Variants in ELMO1 observed in about 807,000 individuals in gnomAD.
The protein encoded by ELMO1 is engulfment and cell motility 1.
A neutral mutation model predicts 98.9 loss-of-function variants in ELMO1; 26 were observed. That is an observed-to-expected ratio of 0.26 (90% CI 0.19 to 0.36). ELMO1 has a LOEUF of 0.36. Ranked by LOEUF, ELMO1 falls within the 10% of genes least tolerant of loss-of-function variation. The probability of loss-of-function intolerance (pLI) is 1.00; values close to 1 mark genes in which losing one functional copy is unlikely to be tolerated. For synonymous variants in ELMO1, 346 were observed against 346.0 expected (o/e 1.00, Z 0.00); for missense variants, 627 against 935.2 (o/e 0.67, Z 4.30).
intron 16 of ELMO1, among the ~76,000 whole-genome samples, chr7:37,010,005 TG>T (rs1793434825): frequency 1.3e-5 from 2 of 152,138 alleles, no homozygotes; most frequent in African/African-American, 2.4e-5. Context: ...GGCTGATAGA[TG>T]GGCAGCAGAA....
intron 1 of ELMO1, chr7:37,419,638 T>G (rs1804386771): frequency 6.5e-6 from 1 of 153,572 alleles, no homozygotes; most frequent in African/African-American, 2.4e-5. Context: ...GGCCTCCTGG[T>G]GCTTACCAAG....
chr7:37,029,556 A>C (rs1047398854), intron 15 of ELMO1, among the ~76,000 whole-genome samples: 17 of 152,202 alleles, frequency 1.1e-4, no homozygotes, highest in African/African-American at 4.1e-4. Context: ...TTTGAGTATA[A>C]CACAGCATAC....
At chr7:37,125,721 T>C (rs1174022295) in intron 14 of ELMO1, among the ~76,000 whole-genome samples, 1 of 152,180 alleles carries the variant, frequency 6.6e-6, no homozygotes, top group Non-Finnish European at 1.5e-5. Flanking sequence ...GGTTCAACCA[T>C]TGTGGAAGAC....
At chr7:36,939,229 C>T (rs1018380688) in intron 16 of ELMO1, among the ~76,000 whole-genome samples, 21 of 151,996 alleles carry the variant, frequency 1.4e-4, no homozygotes, top group Non-Finnish European at 1.0e-4. Context: ...GGCCACTTAC[C>T]GAAGACAGAG....
At chr7:36,910,527 C>T (rs963830902) in intron 16 of ELMO1, among the ~76,000 whole-genome samples, 2 of 152,148 alleles carry the variant, frequency 1.3e-5, no homozygotes, top group African/African-American at 4.8e-5. Flanking sequence ...CAGTTTGGCT[C>T]TAGTGAAAGA....
chr7:37,229,126 TGGTG>T (rs1344492745), intron 8 of ELMO1, among the ~76,000 whole-genome samples: 32 of 152,162 alleles, frequency 2.1e-4, no homozygotes, highest in Admixed American at 1.2e-3. Flanking sequence ...TAAAGCAAAA[TGGTG>T]GGATGTTTGT....
In ELMO1 at chr7:37,207,722, C is replaced by T. The variant is rs768118983; in HGVS notation, c.1086+3664G>A. ...CTTTGAGAGGCCGAGGTGGGTGGAT[C>T]ACCTGAGGTCAGGAGTTTGAGACCA... On this transcript the variant is annotated intron_variant, in intron 13 of 21. Transcript: ENST00000310758. Among the ~76,000 whole-genome samples, 8 of 151,928 alleles carry T rather than the reference C, an allele frequency of 5.3e-5. No individual in the cohort carries two copies. In the South Asian group the frequency reaches 6.2e-4, roughly 12 times the overall value.
At chr7:37,404,098 G>C (rs1036432136) in intron 1 of ELMO1, among the ~76,000 whole-genome samples, 3 of 151,966 alleles carry the variant, frequency 2.0e-5, no homozygotes, top group South Asian at 4.2e-4. Flanking sequence ...AAAAAAGCAA[G>C]AGAAAATGAG....
Position 37,186,495 on chromosome 7 carries a change from G to A in ELMO1, c.1086+24891C>T, listed in dbSNP as rs116055359. ...AAAAATCAAATTTAAAAACTTTCAC[G>A]CTTCAAAAGACACTCTCAAGAAAGT... On this transcript the variant is annotated intron_variant, in intron 13 of 21. Transcript: ENST00000310758. Among the ~76,000 whole-genome samples, 1,113 of 152,086 alleles carry A rather than the reference G, an allele frequency of 7.3e-3. 14 individuals carry two copies. The highest frequency in any genetic ancestry group is 0.026 in the African/African-American group (1,081 of 41,512).
chr7:37,388,562 C>T (rs367944186), intron 1 of ELMO1, among the ~76,000 whole-genome samples: 4 of 151,726 alleles, frequency 2.6e-5, no homozygotes, highest in Non-Finnish European at 5.9e-5. Flanking sequence ...CTTTCTGGAT[C>T]CCCATACCAT....
chr7:37,174,658 G>A (rs908981919), intron 13 of ELMO1, among the ~76,000 whole-genome samples: 1 of 152,080 alleles, frequency 6.6e-6, no homozygotes, highest in African/African-American at 2.4e-5. Context: ...AGGTCCCATG[G>A]GTACAACAAA....
chr7:37,065,193 T>G (rs1023103426), intron 15 of ELMO1, among the ~76,000 whole-genome samples: 1 of 151,900 alleles, frequency 6.6e-6, no homozygotes, highest in Admixed American at 6.6e-5. Context: ...ACCCTTTTTT[T>G]TTTTGAGGTG....
chr7:37,027,080 G>A (rs989848708), intron 15 of ELMO1, among the ~76,000 whole-genome samples: 1 of 152,114 alleles, frequency 6.6e-6, no homozygotes, highest in East Asian at 1.9e-4. Flanking sequence ...ACAGCACTCT[G>A]GAAGGCTCCC....
chr7:37,086,330 C>CTGTGTGTGTGTGTGTGTG (rs58906590), intron 15 of ELMO1, among the ~76,000 whole-genome samples: 3 of 143,182 alleles, frequency 2.1e-5, no homozygotes, highest in African/African-American at 7.7e-5. Context: ...CAATACATGA[C>CTGTGTGTGTGTGTGTGTG]TGTGTGTGTG....
At chr7:37,373,655 A>AT (rs1488575851) in intron 1 of ELMO1, among the ~76,000 whole-genome samples, 5 of 152,194 alleles carry the variant, frequency 3.3e-5, no homozygotes, top group Admixed American at 2.0e-4. Flanking sequence ...TGCTATTTTA[A>AT]TTTTTTAATT....
intron 1 of ELMO1, among the ~76,000 whole-genome samples, chr7:37,431,491 A>C (rs939336783): frequency 1.3e-5 from 2 of 152,336 alleles, no homozygotes; most frequent in East Asian, 3.9e-4. Flanking sequence ...TTCTAGGTCA[A>C]GTGAACAAAA....
chr7:37,406,110 T>C (rs1179041140), intron 1 of ELMO1, among the ~76,000 whole-genome samples: 2 of 152,224 alleles, frequency 1.3e-5, no homozygotes, highest in South Asian at 2.1e-4. Context: ...TTAGGGTTCA[T>C]TCCATCATTC....
At chr7:37,064,762 G>C (rs1276453118) in intron 15 of ELMO1, among the ~76,000 whole-genome samples, 1 of 152,070 alleles carries the variant, frequency 6.6e-6, no homozygotes, top group Non-Finnish European at 1.5e-5. Flanking sequence ...CATCTGCAGA[G>C]ACTAGGCTCC....
intron 2 of ELMO1, among the ~76,000 whole-genome samples, chr7:37,329,625 T>C (rs967036326): frequency 1.3e-5 from 2 of 152,232 alleles, no homozygotes; most frequent in East Asian, 1.9e-4. Context: ...ACCTGAACAA[T>C]TGCCTGTACC....
Sources: gnomAD v4.1 joint callset for allele counts (sites outside exome capture counted in the v4.1 genomes callset) on GRCh38, gnomAD v4.1.1 for gene constraint, MANE v1.5 for transcripts, NCBI Gene and HGNC (gene_info 2026-07-23, HGNC 2026-07-21) for gene names.